The following AP5M1 variants were observed in gnomAD, a reference collection of about 807,000 sequenced individuals.
AP5M1 encodes the protein adaptor related protein complex 5 subunit mu 1, also known as AP-5 complex subunit mu-1.
Under a neutral mutation model 52.3 loss-of-function variants are expected in AP5M1, and 44 were observed. The ratio of observed to expected loss-of-function variants is 0.84; its 90% CI spans 0.66 to 1.08. The LOEUF is 1.08. Among genes scored for constraint, AP5M1 ranks in the 50% least tolerant of loss-of-function variants. The pLI is 0.00. For synonymous variants in AP5M1, 213 were observed against 199.0 expected (o/e 1.07, Z -0.59); for missense variants, 526 against 568.4 (o/e 0.93, Z 0.76).
chr14:57,282,388 T>A (rs1305929883), intron 4 of AP5M1, among the ~76,000 whole-genome samples, 160 bp downstream of exon 4: 1 of 152,150 alleles, frequency 6.6e-6, no homozygotes, highest in East Asian at 1.9e-4. Context: ...ATAAAAATAA[T>A]CTGTTTACCT....
Position 57,295,368 on chromosome 14 carries a change from C to G in AP5M1, c.*6484C>G, listed in dbSNP as rs887906252. ...ACAAGCAAATTGCTGTTGAAAAATT[C>G]TTTCAGCACTCTGCTGTTGCTACTC... On this transcript the variant is annotated 3_prime_UTR_variant, in exon 8 of 8. Coordinates refer to ENST00000261558, the MANE Select transcript of AP5M1 (RefSeq NM_018229.4). 1 of 151,924 alleles carries G rather than the reference C, an allele frequency of 6.6e-6. No homozygotes were observed. The highest frequency in any genetic ancestry group is 2.4e-5 in the African/African-American group (1 of 41,406). 9.4% of individuals were successfully genotyped at this position (151,924 alleles called of 1,614,324 possible).
rs1426972928 is a variant in AP5M1, at chr14:57,289,473, A to G, written c.*589A>G. The stretch of plus-strand genomic sequence containing the variant: ...GTTTAAATAGTAAGCTGTTCTTCTT[A>G]ATCAGAACTATCCTATTGACTAATA... On this transcript the variant is annotated 3_prime_UTR_variant, in exon 8 of 8. Coordinates refer to ENST00000261558, the MANE Select transcript of AP5M1 (RefSeq NM_018229.4). 6.6e-6 allele frequency: 1 copy of G among 152,046 alleles called. No homozygotes were observed. Among genetic ancestry groups the G allele is most frequent in the African/African-American group, 2.4e-5 (1 of 41,416 alleles). 9.4% of individuals were successfully genotyped at this position (152,046 alleles called of 1,614,324 possible). A position where few individuals can be genotyped will look rare whatever the true frequency, so the allele number is the denominator to read the frequency against.
chr14:57,275,431 G>GAGAGAGAAGAGAGAAGAGAGAGA (rs1566514505), intron 2 of AP5M1: 1 of 148,246 alleles, frequency 6.7e-6, no homozygotes, highest in Admixed American at 6.8e-5. Flanking sequence ...GAGAGAGAGA[G>GAGAGAGAAGAGAGAAGAGAGAGA]AGAGAGAAGA....
chr14:57,282,075 A>G lies in AP5M1; in HGVS notation c.949-14A>G, dbSNP rs201333671. 1.2e-4 allele frequency: 190 copies of G among 1,558,786 alleles called. 1 individual carries two copies. The East Asian group carries it at 4.4e-3, about 36-fold the overall frequency. On this transcript the variant is annotated splice_polypyrimidine_tract_variant and intron_variant, in intron 3 of 7. Coordinates refer to ENST00000261558, the MANE Select transcript of AP5M1 (RefSeq NM_018229.4). ...TAACCTGAGAATTATATAGACATTT[A>G]TGTTTCTTTTTAGGTCCCTGTCCCA... is the stretch of plus-strand genomic sequence containing the variant.
intron 2 of AP5M1, 72 bp downstream of exon 2, chr14:57,274,961 T>C (rs1884989372): frequency 1.3e-6 from 2 of 1,525,344 alleles, no homozygotes; most frequent in Non-Finnish European, 1.8e-6. Flanking sequence ...TTGCTAGTTG[T>C]ATTTTAAATA....
rs1256469127 is a variant in AP5M1, at chr14:57,274,541, T to C, written c.372T>C (p.Ser124=). The C allele has an allele frequency of 1.9e-6, 3 of 1,614,052 alleles. No homozygotes were observed. In the African/African-American group the frequency reaches 4.0e-5, roughly 22 times the overall value. ...TGTCCCCTCGTCCGCCACTAATTAG[T>C]GTCAGTGGAGTTTCACAAGGCTTTG... ...QTLSPRPPLI[S]VSGVSQGFEF... is the part of the protein sequence containing the mutation. The change falls in exon 2 of 8, where the codon AGT becomes AGC. Residue 124 remains serine, a synonymous_variant. Transcript: ENST00000261558.
At position 57,274,766 on chromosome 14, in the gene AP5M1, A is replaced by G. The variant is rs140632169; in HGVS notation, c.597A>G (p.Lys199=). The change falls in exon 2 of 8, where the codon AAA becomes AAG. Residue 199 remains lysine (K), a synonymous_variant. Transcript: ENST00000261558. ...AGCCACAGAAACAGCCAGCTTGGAAAACTGGGACGTACAAAGGAAAACCAC... is the reference window on the plus strand; with the variant it reads ...AGCCACAGAAACAGCCAGCTTGGAAGACTGGGACGTACAAAGGAAAACCAC... The part of the protein sequence containing the change: ...VTQPQKQPAW[K]TGTYKGKPQV... The G allele has an allele frequency of 1.8e-4, 284 of 1,614,186 alleles. No individual in the cohort carries two copies. The highest frequency in any genetic ancestry group is 2.4e-4 in the Non-Finnish European group (279 of 1,180,032).
chr14:57,290,573 C>A lies in AP5M1; in HGVS notation c.*1689C>A, dbSNP rs1322918083. 1 of 151,756 alleles carries A rather than the reference C, an allele frequency of 6.6e-6. No individual in the cohort carries two copies. Among genetic ancestry groups the A allele is most frequent in the Non-Finnish European group, 1.5e-5 (1 of 67,866 alleles). The allele number at this position is 151,756 out of a possible 1,614,324, so 9.4% of individuals were successfully genotyped here. ...GTAGGCAAAGATTTAATATAATAATCCCCTAGGCAAAAGTTTATAAGCAGT... is the reference window on the plus strand; with the variant it reads ...GTAGGCAAAGATTTAATATAATAATACCCTAGGCAAAAGTTTATAAGCAGT... On this transcript the variant is annotated 3_prime_UTR_variant, in exon 8 of 8. Coordinates refer to ENST00000261558, the MANE Select transcript of AP5M1 (RefSeq NM_018229.4).
Position 57,269,236 on chromosome 14 carries a change from T to A in AP5M1, c.-79T>A. On this transcript the variant is annotated 5_prime_UTR_variant, in exon 1 of 8. Coordinates refer to ENST00000261558, the MANE Select transcript of AP5M1 (RefSeq NM_018229.4). ...AGCCTCAGGGCTTCTGTTAAGAGTC[T>A]GTCTGAGAAAGCCGGTCTGCGCTGT... 1.5e-6 allele frequency: 2 copies of A among 1,363,222 alleles called. No homozygotes were observed. The highest frequency in any genetic ancestry group is 1.4e-5 in the African/African-American group (1 of 69,008). 84.4% of individuals were successfully genotyped at this position (1,363,222 alleles called of 1,614,324 possible).
At chr14:57,276,987 A>ATC (rs1317905498) in intron 2 of AP5M1, among the ~76,000 whole-genome samples, 1 of 152,214 alleles carries the variant, frequency 6.6e-6, no homozygotes, top group Non-Finnish European at 1.5e-5. Context: ...TCTTCATTTT[A>ATC]TCCTACTCGG....
At chr14:57,274,960 G>T (rs1409058927) in intron 2 of AP5M1, 71 bp downstream of exon 2, 1 of 1,536,418 alleles carries the variant, frequency 6.5e-7, no homozygotes, top group Non-Finnish European at 9.0e-7. Flanking sequence ...TTTGCTAGTT[G>T]TATTTTAAAT....
chr14:57,271,106 G>C (rs1480255984), intron 1 of AP5M1: 2 of 152,208 alleles, frequency 1.3e-5, no homozygotes, highest in African/African-American at 4.8e-5. Context: ...CATGTGGGTA[G>C]TTCTACTATG....
rs984970036 is a variant in AP5M1 at position 57,274,732 on chromosome 14, C to G, written c.563C>G (p.Ser188Cys). Residue 188 changes from serine to cysteine, a missense_variant, in exon 2 of 8, where the codon TCT becomes TGT. This residue lies in a region of AP5M1 where 425 missense variants were observed against 430.6 expected (regional missense o/e 0.99). Transcript: ENST00000261558. ...TCATTAGATAATACCAATTTTGCAT[C>G]TGTGACTCAGCCACAGAAACAGCCA... ...QNSLDNTNFA[S>C]VTQPQKQPAW... The G allele has an allele frequency of 6.2e-7, 1 of 1,614,196 alleles. No homozygotes were observed. Among genetic ancestry groups the G allele is most frequent in the Non-Finnish European group, 8.5e-7 (1 of 1,180,042 alleles).
intron 2 of AP5M1, chr14:57,275,462 A>C (rs1421158535): frequency 8.6e-5 from 13 of 151,864 alleles, no homozygotes; most frequent in Admixed American, 8.6e-4. Flanking sequence ...AGAAGAGAGA[A>C]GAGAAAAGAG....
chr14:57,286,373 T>A (rs1885309612), intron 7 of AP5M1, 54 bp downstream of exon 7: 1 of 1,118,250 alleles, frequency 8.9e-7, no homozygotes, highest in African/African-American at 1.5e-5. Flanking sequence ...TGTTTGCAGT[T>A]ATTACCTAAG....
In AP5M1 at chr14:57,296,786, A is replaced by C. The variant is rs2139705358; in HGVS notation, c.*7902A>C. On this transcript the variant is annotated 3_prime_UTR_variant, in exon 8 of 8. Transcript: ENST00000261558. ...TTGAGAGGGAGACCTTAATTTAGTC[A>C]ATAAAAATTCATAATTAATGTTAAG... 6.6e-6 allele frequency: 1 copy of C among 152,232 alleles called. No individual in the cohort carries two copies. Among genetic ancestry groups the C allele is most frequent in the East Asian group, 1.9e-4 (1 of 5,178 alleles). 9.4% of individuals were successfully genotyped at this position (152,232 alleles called of 1,614,324 possible). A position where few individuals can be genotyped will look rare whatever the true frequency, so the allele number is the denominator to read the frequency against.
rs764147536 is a variant in AP5M1, at chr14:57,274,224, T to C, written c.75-20T>C. The C allele has an allele frequency of 1.3e-6, 2 of 1,553,454 alleles. No individual in the cohort carries two copies. Among genetic ancestry groups the C allele is most frequent in the Non-Finnish European group, 8.7e-7 (1 of 1,154,046 alleles). On this transcript the variant is annotated intron_variant, in intron 1 of 7. Coordinates refer to ENST00000261558, the MANE Select transcript of AP5M1 (RefSeq NM_018229.4). ...TTACTTGGAAGAATCATTTATAATGTTTCTGTTTCCGTAATGCAGACGGTA... is the reference window on the plus strand; with the variant it reads ...TTACTTGGAAGAATCATTTATAATGCTTCTGTTTCCGTAATGCAGACGGTA...
rs905759616 is a variant in AP5M1, at chr14:57,296,210, G to C, written c.*7326G>C. 2 of 151,974 alleles carry C rather than the reference G, an allele frequency of 1.3e-5. No individual in the cohort carries two copies. Among genetic ancestry groups the C allele is most frequent in the South Asian group, 4.1e-4 (2 of 4,826 alleles). The allele number at this position is 151,974 out of a possible 1,614,324, so 9.4% of individuals were successfully genotyped here. ...TTTTACTTGGTCTCTTAGTGTTACT[G>C]AATACAAGTTTAGTATTCTGTAATC... On this transcript the variant is annotated 3_prime_UTR_variant, in exon 8 of 8. Transcript: ENST00000261558.
rs1213097876 is a variant in AP5M1 at position 57,292,714 on chromosome 14, CTGA to C, written c.*3831_*3833del. ...ATCAAAGCAGTGGCTACAACTTAGA[CTGA>C]GAAAATGCTTCTGTTTTATTAAGCT... On this transcript the variant is annotated 3_prime_UTR_variant, in exon 8 of 8. Transcript: ENST00000261558. 6.6e-6 allele frequency: 1 copy of C among 151,720 alleles called. No individual in the cohort carries two copies. Among genetic ancestry groups the C allele is most frequent in the Non-Finnish European group, 1.5e-5 (1 of 67,770 alleles). The allele number at this position is 151,720 out of a possible 1,614,324, so 9.4% of individuals were successfully genotyped here. A position where few individuals can be genotyped will look rare whatever the true frequency, so the allele number is the denominator to read the frequency against.
Sources: gnomAD v4.1 joint callset for allele counts (sites outside exome capture counted in the v4.1 genomes callset) on GRCh38, gnomAD v4.1.1 for gene constraint, gnomAD v4.1.1 regional missense constraint, MANE v1.5 for transcripts, NCBI Gene and HGNC (gene_info 2026-07-23, HGNC 2026-07-21) for gene names.